The following SLC4A5 variants were observed in gnomAD, a reference collection of about 807,000 sequenced individuals.
SLC4A5 encodes the protein solute carrier family 4 member 5, also known as electrogenic sodium bicarbonate cotransporter 4.
In SLC4A5, 96 loss-of-function variants were observed where a neutral mutation model predicts 120.4. That is an observed-to-expected ratio of 0.80 (90% confidence interval 0.68 to 0.94). The LOEUF (loss-of-function observed/expected upper bound fraction) is 0.94, where lower values mean the gene tolerates loss of function less well. SLC4A5 is among the 40% of genes least tolerant of loss of function. The pLI, the probability that SLC4A5 is intolerant of heterozygous loss-of-function variation, is 0.00. For synonymous variants in SLC4A5, 550 were observed against 571.1 expected (o/e 0.96, Z 0.53); for missense variants, 1,259 against 1,459.5 (o/e 0.86, Z 2.24).
chr2:74,264,340 A>G (rs1671234838), intron 9 of SLC4A5, 41 bp from the exon 10 acceptor site: 1 of 1,592,524 alleles, frequency 6.3e-7, no homozygotes. Context: ...GTGGGACAGA[A>G]CAGCTCCAGG....
intron 7 of SLC4A5, chr2:74,290,269 G>A: frequency 1.0e-6 from 1 of 985,574 alleles, no homozygotes; most frequent in Non-Finnish European, 1.2e-6. Context: ...GCTGAGCGCT[G>A]GGGTCCCTGG....
chr2:74,303,016 C>CTGTG (rs10601390), intron 7 of SLC4A5, among the ~76,000 whole-genome samples: 2,400 of 145,024 alleles, frequency 0.017, 33 homozygotes, highest in African/African-American at 0.04. Context: ...CTGAGCAGGA[C>CTGTG]TGTGTGTGTG....
At chr2:74,219,442 TG>T (rs141086959) in intron 30 of SLC4A5, among the ~76,000 whole-genome samples, 10,211 of 152,236 alleles carry the variant, frequency 0.067, 545 homozygotes, top group African/African-American at 0.14. Flanking sequence ...GCATCGCACC[TG>T]GTAGATCATT....
rs560155039 is a variant in SLC4A5, at chr2:74,248,113, G to T, written c.1787+240C>A. Among the ~76,000 whole-genome samples, 3 of 152,322 alleles carry T rather than the reference G, an allele frequency of 2.0e-5. No homozygotes were observed. In the East Asian group the frequency reaches 5.8e-4, roughly 29 times the overall value. ...CCATTGCTCACAAACTGAGTGGTGT[G>T]AATTTTCTCCTCTTGTCGTGGCTGG... is the stretch of plus-strand genomic sequence containing the variant. On this transcript the variant is annotated intron_variant, in intron 18 of 30. Coordinates refer to ENST00000394019, the Ensembl canonical transcript of SLC4A5.
intron 6 of SLC4A5, among the ~76,000 whole-genome samples, chr2:74,314,721 T>C (rs758373132): frequency 4.6e-5 from 7 of 152,234 alleles, no homozygotes; most frequent in African/African-American, 7.2e-5. Flanking sequence ...AGCTATATTC[T>C]AATCCACATA....
intron 7 of SLC4A5, chr2:74,290,382 A>C: frequency 2.0e-6 from 2 of 985,060 alleles, no homozygotes; most frequent in Non-Finnish European, 2.4e-6. Context: ...TTTTGTTTCC[A>C]GTTAAGCACC....
chr2:74,223,486 T>G (rs74368861), intron 28 of SLC4A5, among the ~76,000 whole-genome samples: 1,902 of 152,316 alleles, frequency 0.012, 44 homozygotes, highest in African/African-American at 0.044. Flanking sequence ...CTTCCAGGAA[T>G]GTTACTCATC....
chr2:74,235,192 A>G, exon 22 of SLC4A5: 1 of 1,614,038 alleles, frequency 6.2e-7, no homozygotes, highest in Non-Finnish European at 8.5e-7. Context: ...AACAATGGAA[A>G]AGTCAGCCAC....
At chr2:74,231,436 GC>G in intron 24 of SLC4A5, 128 bp from the exon 25 acceptor site, 1 of 785,516 alleles carries the variant, frequency 1.3e-6, no homozygotes, top group Non-Finnish European at 1.9e-6. Flanking sequence ...TCTGCATGAA[GC>G]TCTGCCTGGT....
chr2:74,222,985 A>C (rs1572999188), intron 28 of SLC4A5, 33 bp from the exon 29 acceptor site: 18 of 1,406,590 alleles, frequency 1.3e-5, no homozygotes, highest in Non-Finnish European at 1.6e-5. Context: ...GAGGATAAAC[A>C]CCAACACAAC....
At chr2:74,303,681 T>A (rs1003707295) in intron 7 of SLC4A5, among the ~76,000 whole-genome samples, 1 of 152,150 alleles carries the variant, frequency 6.6e-6, no homozygotes, top group Non-Finnish European at 1.5e-5. Context: ...GGCTTTGTTG[T>A]CCTGGAAGAA....
chr2:74,281,821 A>C (rs922802820), intron 8 of SLC4A5, among the ~76,000 whole-genome samples: 3 of 152,242 alleles, frequency 2.0e-5, no homozygotes, highest in African/African-American at 7.2e-5. Context: ...CACTCCCTGC[A>C]GCAAATTAAA....
At chr2:74,283,424 AG>A (rs1481267331) in intron 8 of SLC4A5, among the ~76,000 whole-genome samples, 3 of 152,246 alleles carry the variant, frequency 2.0e-5, no homozygotes, top group Non-Finnish European at 4.4e-5. Context: ...GCTTCCACAC[AG>A]GGACCGGGCC....
At chr2:74,270,624 G>A (rs1475242078) in intron 8 of SLC4A5, among the ~76,000 whole-genome samples, 1 of 152,204 alleles carries the variant, frequency 6.6e-6, no homozygotes. Context: ...AGTGAGCAGA[G>A]ATCATGCCAC....
intron 4 of SLC4A5, among the ~76,000 whole-genome samples, chr2:74,330,767 C>G (rs1204521362): frequency 7.4e-6 from 1 of 134,732 alleles, no homozygotes; most frequent in Non-Finnish European, 1.6e-5. Flanking sequence ...GTGCTGATGT[C>G]TACATGGAGG....
At chr2:74,288,986 AT>A (rs1343361795) in intron 7 of SLC4A5, among the ~76,000 whole-genome samples, 2 of 152,058 alleles carry the variant, frequency 1.3e-5, no homozygotes, top group East Asian at 3.9e-4. Flanking sequence ...CTTCATAAAC[AT>A]TTTTTGGCTC....
intron 29 of SLC4A5, 60 bp downstream of exon 29, chr2:74,222,808 T>A: frequency 7.0e-7 from 1 of 1,427,766 alleles, no homozygotes; most frequent in Non-Finnish European, 9.9e-7. Context: ...TGAAAGTTCC[T>A]AGGGGAAAGA....
Position 74,239,238 on chromosome 2 carries a change from CG to C in SLC4A5, c.2319+96del, listed in dbSNP as rs372029533. ...TGAAAAACCCCAGTGGGCCAGTGCTCGCATGGAGTCCATCCTGTCGGTGGAC... is the reference window on the plus strand; with the variant it reads ...TGAAAAACCCCAGTGGGCCAGTGCTCCATGGAGTCCATCCTGTCGGTGGAC... On this transcript the variant is annotated intron_variant, in intron 21 of 30. Coordinates refer to ENST00000394019, the Ensembl canonical transcript of SLC4A5. 3 of 1,184,458 alleles carry C rather than the reference CG, an allele frequency of 2.5e-6. No individual in the cohort carries two copies. In the African/African-American group the frequency reaches 4.5e-5, roughly 18 times the overall value. The allele number at this position is 1,184,458 out of a possible 1,614,324, so 73.4% of individuals were successfully genotyped here. A position where few individuals can be genotyped will look rare whatever the true frequency, so the allele number is the denominator to read the frequency against.
At chr2:74,241,344 C>T (rs1341470436) in intron 20 of SLC4A5, among the ~76,000 whole-genome samples, 2 of 151,414 alleles carry the variant, frequency 1.3e-5, no homozygotes, top group Non-Finnish European at 2.9e-5. Context: ...TGGCTCACCA[C>T]AACCTCTGCC....
Sources: gnomAD v4.1 joint callset for allele counts (sites outside exome capture counted in the v4.1 genomes callset) on GRCh38, gnomAD v4.1.1 for gene constraint, MANE v1.5 for transcripts, NCBI Gene and HGNC (gene_info 2026-07-23, HGNC 2026-07-21) for gene names.